The following SLC6A2 variants were observed in gnomAD, a reference collection of about 807,000 sequenced individuals.
The protein encoded by SLC6A2 is solute carrier family 6 member 2, also known as sodium-dependent noradrenaline transporter.
A neutral mutation model predicts 71.7 loss-of-function variants in SLC6A2; 26 were observed. That is an observed-to-expected ratio of 0.36 (90% CI 0.27 to 0.50). SLC6A2 has a LOEUF of 0.50. Among genes scored for constraint, SLC6A2 ranks in the 20% least tolerant of loss-of-function variants. SLC6A2 has a pLI of 0.96. For synonymous variants in SLC6A2, 363 were observed against 337.9 expected, an observed-to-expected ratio of 1.07 and a Z score of -0.82; for missense variants, 581 against 803.9, an observed-to-expected ratio of 0.72 and a Z score of 3.35.
chr16:55,695,406 G>A lies in SLC6A2; in HGVS notation c.1147+4G>A, dbSNP rs141844145. The A allele has an allele frequency of 5.8e-4, 938 of 1,614,174 alleles. 2 individuals are homozygous for A. The African/African-American group carries it at 8.0e-3, about 14-fold the overall frequency. On this transcript the variant is annotated splice_donor_region_variant and intron_variant, in intron 8 of 14. Transcript: ENST00000568943. ...ATTGAGGATGTGGCCACAGAAGGTG[G>A]GTGGGCAGCCCACCTGGGCCCCAGC...
Position 55,702,452 on chromosome 16 carries a change from G to C in SLC6A2, c.*106G>C. On this transcript the variant is annotated 3_prime_UTR_variant, in exon 15 of 15. Coordinates refer to ENST00000568943, the MANE Select transcript of SLC6A2 (RefSeq NM_001172501.3). ...TCTTGGGATTCCTCCCCTGGAAGTT[G>C]TCCTTTCTGATCCTCTCTTCTTTTC... The C allele has an allele frequency of 6.2e-7, 1 of 1,602,984 alleles. No individual in the cohort carries two copies.
chr16:55,697,723 CA>C (rs35434599), intron 9 of SLC6A2, among the ~76,000 whole-genome samples, 173 bp from the exon 10 acceptor site: 39,100 of 152,034 alleles, frequency 0.26, 5,984 homozygotes, highest in Non-Finnish European at 0.33. Flanking sequence ...TGCCTGAGAA[CA>C]GGACAGAAAT....
At position 55,692,051 on chromosome 16, in the gene SLC6A2, C is replaced by T; in HGVS notation, c.917C>T (p.Thr306Met). The T allele has an allele frequency of 1.9e-6, 3 of 1,614,154 alleles. No individual in the cohort carries two copies. The highest frequency in any genetic ancestry group is 1.3e-5 in the African/African-American group (1 of 75,068). Residue 306 changes from threonine (T) to methionine (M), a missense_variant and splice_region_variant, in exon 6 of 15, where the codon ACG becomes ATG. Physicochemically the swap from Thr to Met is moderately conservative, Grantham distance 81. Transcript: ENST00000568943. ...HIDFYRLKEATVWIDAATQIF... is the reference protein window; with the variant it reads ...HIDFYRLKEAMVWIDAATQIF... The stretch of plus-strand genomic sequence containing the variant: ...GACTTCTACCGCTTGAAAGAGGCCA[C>T]GGTCAGTGCTCAGTGACCACCAAGC...
In SLC6A2 at chr16:55,704,591, ACT is replaced by A. The variant is rs1170165498; in HGVS notation, c.*2248_*2249del. 1 of 152,138 alleles carries A rather than the reference ACT, an allele frequency of 6.6e-6. No homozygotes were observed. The highest frequency in any genetic ancestry group is 6.5e-5 in the Admixed American group (1 of 15,272). The allele number at this position is 152,138 out of a possible 1,614,324, so 9.4% of individuals were successfully genotyped here. ...CTGCTCTCTTTTGATGAAAATAATC[ACT>A]CTTTGGAATAGTTGGATGTGAAAAG... is the stretch of plus-strand genomic sequence containing the variant. On this transcript the variant is annotated 3_prime_UTR_variant, in exon 15 of 15. Transcript: ENST00000568943.
At position 55,705,185 on chromosome 16, in the gene SLC6A2, T is replaced by A. The variant is rs1460360658; in HGVS notation, c.*2839T>A. On this transcript the variant is annotated 3_prime_UTR_variant, in exon 15 of 15. Coordinates refer to ENST00000568943, the MANE Select transcript of SLC6A2 (RefSeq NM_001172501.3). ...TTTACGTCTACTCAATGTCTAGTTA[T>A]TTAGCACCCACCTTTTAGCTTTCAT... 2 of 1,502,462 alleles carry A rather than the reference T, an allele frequency of 1.3e-6. No homozygotes were observed. The highest frequency in any genetic ancestry group is 1.8e-6 in the Non-Finnish European group (2 of 1,116,154). 93.1% of individuals were successfully genotyped at this position (1,502,462 alleles called of 1,614,324 possible). A position where few individuals can be genotyped will look rare whatever the true frequency, so the allele number is the denominator to read the frequency against.
At chr16:55,701,814 G>T in intron 13 of SLC6A2, 49 bp from the exon 14 acceptor site, 2 of 1,442,570 alleles carry the variant, frequency 1.4e-6, no homozygotes, top group Non-Finnish European at 9.8e-7. Context: ...GCTGCCAGAA[G>T]GGTGTCCCTG....
rs1966018672 is a variant in SLC6A2, at chr16:55,702,860, C to T, written c.*514C>T. 1 of 995,178 alleles carries T rather than the reference C, an allele frequency of 1.0e-6. No individual in the cohort carries two copies. 61.6% of individuals were successfully genotyped at this position (995,178 alleles called of 1,614,324 possible). ...CCTCTTGCCCACCCTAGACAGCCCTCTCATGTCTGAACCTCAGCCTGGGAG... is the reference window on the plus strand; with the variant it reads ...CCTCTTGCCCACCCTAGACAGCCCTTTCATGTCTGAACCTCAGCCTGGGAG... On this transcript the variant is annotated 3_prime_UTR_variant, in exon 15 of 15. Coordinates refer to ENST00000568943, the MANE Select transcript of SLC6A2 (RefSeq NM_001172501.3).
intron 3 of SLC6A2, among the ~76,000 whole-genome samples, chr16:55,670,098 A>G (rs1400805891): frequency 6.6e-6 from 1 of 152,214 alleles, no homozygotes; most frequent in African/African-American, 2.4e-5. Context: ...CCTTAGTACA[A>G]TAGCCACAAC....
chr16:55,670,014 C>T (rs74447937), intron 3 of SLC6A2, among the ~76,000 whole-genome samples: 5,016 of 152,320 alleles, frequency 0.033, 117 homozygotes, highest in South Asian at 0.066. Flanking sequence ...CTACTCTCTC[C>T]TTTTGCTCCC....
intron 3 of SLC6A2, among the ~76,000 whole-genome samples, chr16:55,670,943 A>G (rs1427295603): frequency 2.0e-5 from 3 of 152,204 alleles, no homozygotes; most frequent in African/African-American, 7.2e-5. Flanking sequence ...GCAGGTAAAC[A>G]ATACATCTAC....
At chr16:55,662,951 G>A (rs1268422536) in intron 2 of SLC6A2, among the ~76,000 whole-genome samples, 4 of 152,168 alleles carry the variant, frequency 2.6e-5, no homozygotes, top group South Asian at 2.1e-4. Flanking sequence ...GAGTGCCTCC[G>A]ATTCAATTCA....
chr16:55,703,014 C>A lies in SLC6A2; in HGVS notation c.*668C>A, dbSNP rs1327197905. On this transcript the variant is annotated 3_prime_UTR_variant, in exon 15 of 15. Coordinates refer to ENST00000568943, the MANE Select transcript of SLC6A2 (RefSeq NM_001172501.3). ...ATGTGTGTGTTCTGGAACATTCCTC[C>A]AGCTTTTGGTGGTCAGATGGCCCAG... 2 of 986,462 alleles carry A rather than the reference C, an allele frequency of 2.0e-6. No homozygotes were observed. The highest frequency in any genetic ancestry group is 3.5e-5 in the African/African-American group (2 of 57,240). The allele number at this position is 986,462 out of a possible 1,614,324, so 61.1% of individuals were successfully genotyped here. A position where few individuals can be genotyped will look rare whatever the true frequency, so the allele number is the denominator to read the frequency against.
intron 4 of SLC6A2, among the ~76,000 whole-genome samples, chr16:55,675,760 G>T (rs555546331): frequency 6.7e-6 from 1 of 148,610 alleles, no homozygotes; most frequent in African/African-American, 2.5e-5. Flanking sequence ...TACTGTATTG[G>T]GCAGTGCAAA....
In SLC6A2 at chr16:55,665,902, A is replaced by G. The variant is rs577994857; in HGVS notation, c.275-3663A>G. Reference sequence around the variant, plus strand: ...TGATGGGACTAATGCTTTTCTTACTAAATTCATCCAAAGGCCACTGTTCAG... The same window carrying G: ...TGATGGGACTAATGCTTTTCTTACTGAATTCATCCAAAGGCCACTGTTCAG... On this transcript the variant is annotated intron_variant, in intron 2 of 14. Transcript: ENST00000568943. Among the ~76,000 whole-genome samples the G allele has an allele frequency of 1.2e-4, 18 of 152,352 alleles. No homozygotes were observed. The South Asian group carries it at 3.5e-3, about 30-fold the overall frequency.
intron 10 of SLC6A2, 40 bp from the exon 11 acceptor site, chr16:55,698,429 A>G: frequency 1.4e-6 from 2 of 1,414,318 alleles, no homozygotes; most frequent in Non-Finnish European, 2.0e-6. Context: ...CCCACGTTTG[A>G]CCAAAGAGGG....
rs1567463938 is a variant in SLC6A2 at position 55,705,305 on chromosome 16, A to G, written c.*2959A>G. Reference sequence around the variant, plus strand: ...TCCCTGAAGCTGCCTTAATTCTCAAAAGGAGTTACCGCTCAGCTGGGAGCC... The same window carrying G: ...TCCCTGAAGCTGCCTTAATTCTCAAGAGGAGTTACCGCTCAGCTGGGAGCC... On this transcript the variant is annotated 3_prime_UTR_variant, in exon 15 of 15. Transcript: ENST00000568943. The G allele has an allele frequency of 1.3e-6, 2 of 1,494,156 alleles. No individual in the cohort carries two copies. The highest frequency in any genetic ancestry group is 2.0e-5 in the Admixed American group (1 of 50,568). 92.6% of individuals were successfully genotyped at this position (1,494,156 alleles called of 1,614,324 possible). A position where few individuals can be genotyped will look rare whatever the true frequency, so the allele number is the denominator to read the frequency against.
intron 4 of SLC6A2, among the ~76,000 whole-genome samples, chr16:55,681,904 G>A (rs542352859): frequency 6.6e-6 from 1 of 152,256 alleles, no homozygotes; most frequent in African/African-American, 2.4e-5. Flanking sequence ...GTGTAAATTT[G>A]TTTTGTTTTG....
chr16:55,682,850 C>T (rs1352538303), intron 4 of SLC6A2, among the ~76,000 whole-genome samples: 1 of 152,050 alleles, frequency 6.6e-6, no homozygotes, highest in Non-Finnish European at 1.5e-5. Context: ...TTTTGGGGGC[C>T]CCTGCAGCTC....
chr16:55,670,454 G>T (rs1159669524), intron 3 of SLC6A2, among the ~76,000 whole-genome samples: 1 of 152,130 alleles, frequency 6.6e-6, no homozygotes, highest in Non-Finnish European at 1.5e-5. Flanking sequence ...ACTCAAACTG[G>T]CTTCAGTATA....
Sources: gnomAD v4.1 joint callset for allele counts (sites outside exome capture counted in the v4.1 genomes callset) on GRCh38, gnomAD v4.1.1 for gene constraint, MANE v1.5 for transcripts, NCBI Gene and HGNC (gene_info 2026-07-23, HGNC 2026-07-21) for gene names.